Variants in CSMD2 observed in about 807,000 individuals in gnomAD.
The protein encoded by CSMD2 is CUB and sushi domain-containing protein 2.
A neutral mutation model predicts 398.5 loss-of-function variants in CSMD2; 130 were observed. The ratio of observed to expected loss-of-function variants is 0.33; its 90% CI spans 0.28 to 0.38. The LOEUF (loss-of-function observed/expected upper bound fraction) is 0.38, where lower values mean the gene tolerates loss of function less well. CSMD2 is among the 10% of genes least tolerant of loss of function. CSMD2 has a pLI of 1.00. For synonymous variants in CSMD2, 1,828 were observed against 1,908.5 expected, an observed-to-expected ratio of 0.96 and a Z score of 1.10; for missense variants, 3,829 against 4,764.9, an observed-to-expected ratio of 0.80 and a Z score of 5.78.
chr1:33,731,290 G>A (rs2149221725), intron 15 of CSMD2, among the ~76,000 whole-genome samples: 1 of 152,202 alleles, frequency 6.6e-6, no homozygotes, highest in Non-Finnish European at 1.5e-5. Flanking sequence ...TTCTTTAAGT[G>A]TAGCATTTCA....
At chr1:33,793,153 AC>A (rs1654526880) in intron 10 of CSMD2, among the ~76,000 whole-genome samples, 2 of 152,282 alleles carry the variant, frequency 1.3e-5, no homozygotes, top group African/African-American at 4.8e-5. Flanking sequence ...AGAAATGCAA[AC>A]TGATAACCAC....
chr1:33,894,858 C>T (rs1244643315), intron 5 of CSMD2, among the ~76,000 whole-genome samples: 1 of 152,142 alleles, frequency 6.6e-6, no homozygotes, highest in Non-Finnish European at 1.5e-5. Context: ...CTGACTGGGT[C>T]CCCATCTCCT....
At chr1:33,657,914 A>G in intron 27 of CSMD2, 32 bp downstream of exon 27, 2 of 1,584,662 alleles carry the variant, frequency 1.3e-6, no homozygotes, top group South Asian at 2.3e-5. Flanking sequence ...GTGAGCCCCA[A>G]GAGCAGAGTG....
intron 10 of CSMD2, among the ~76,000 whole-genome samples, chr1:33,801,587 TAAAC>T (rs757389823): frequency 2.0e-5 from 3 of 152,222 alleles, no homozygotes; most frequent in African/African-American, 7.2e-5. Flanking sequence ...GTGGAAGAAA[TAAAC>T]AAAGTGCTAT....
Position 33,566,811 on chromosome 1 carries a change from G to A in CSMD2, c.8380+782C>T, listed in dbSNP as rs1163228461. Among the ~76,000 whole-genome samples the A allele has an allele frequency of 2.6e-5, 4 of 152,048 alleles. No individual in the cohort carries two copies. In the East Asian group the frequency reaches 7.7e-4, roughly 29 times the overall value. ...GAACAGAAACTACAGGAAGTGCAAG[G>A]AAAAACAGAAACACACTAATAATAG... On this transcript the variant is annotated intron_variant, in intron 53 of 70. Coordinates refer to ENST00000373381, the MANE Select transcript of CSMD2 (RefSeq NM_001281956.2).
intron 5 of CSMD2, among the ~76,000 whole-genome samples, chr1:33,895,572 T>C (rs1642327538): frequency 6.6e-6 from 1 of 152,106 alleles, no homozygotes. Context: ...CCACGGGTGG[T>C]GGCTGGGGAA....
At chr1:33,998,758 T>C (rs1646806020) in intron 3 of CSMD2, among the ~76,000 whole-genome samples, 1 of 152,182 alleles carries the variant, frequency 6.6e-6, no homozygotes, top group African/African-American at 2.4e-5. Flanking sequence ...TGATTATTAA[T>C]TTCAAGAGGT....
chr1:33,935,631 G>T, intron 4 of CSMD2, 129 bp downstream of exon 4: 2 of 958,930 alleles, frequency 2.1e-6, no homozygotes, highest in Non-Finnish European at 3.0e-6. Flanking sequence ...CCTCTGTGCT[G>T]TCCAGACTTG....
At chr1:34,161,474 G>T (rs762499405) in intron 1 of CSMD2, among the ~76,000 whole-genome samples, 33 of 152,168 alleles carry the variant, frequency 2.2e-4, no homozygotes, top group Non-Finnish European at 3.7e-4. Context: ...TCAGGGAGGG[G>T]AATAAGTGTT....
intron 5 of CSMD2, chr1:33,864,924 AAGGGAGGAGAGGAGG>A (rs1639878254): frequency 4.4e-6 from 1 of 229,826 alleles, no homozygotes; most frequent in African/African-American, 6.1e-5. Flanking sequence ...AAAGAAGGGG[AAGGGAGGAGAGGAGG>A]GAGGGGAAGG....
At chr1:33,676,773 T>C (rs971998564) in intron 25 of CSMD2, among the ~76,000 whole-genome samples, 13 of 151,986 alleles carry the variant, frequency 8.6e-5, no homozygotes, top group Non-Finnish European at 1.8e-4. Flanking sequence ...TATAGACCAA[T>C]AGAACAGAAC....
At chr1:33,527,940 CAAAAA>C (rs61088318) in intron 64 of CSMD2, among the ~76,000 whole-genome samples, 42,831 of 108,356 alleles carry the variant, frequency 0.4, 6,813 homozygotes, top group Middle Eastern at 0.46. Flanking sequence ...GACTCTGTCT[CAAAAA>C]AAAAAAAAAA....
chr1:33,861,676 G>A (rs1453848495), intron 5 of CSMD2, among the ~76,000 whole-genome samples: 3 of 152,176 alleles, frequency 2.0e-5, no homozygotes, highest in Non-Finnish European at 4.4e-5. Context: ...GAAACAGATG[G>A]CCACTCAAAT....
At chr1:33,755,007 AAC>A (rs1648793286) in intron 13 of CSMD2, among the ~76,000 whole-genome samples, 1 of 152,024 alleles carries the variant, frequency 6.6e-6, no homozygotes, top group African/African-American at 2.4e-5. Context: ...TGACTTGAGA[AAC>A]ACAGATGGAT....
intron 5 of CSMD2, among the ~76,000 whole-genome samples, chr1:33,882,608 G>A (rs1570385520): frequency 6.6e-6 from 1 of 152,310 alleles, no homozygotes. Context: ...TTAATGCCAT[G>A]AGTTCACTGC....
intron 6 of CSMD2, among the ~76,000 whole-genome samples, chr1:33,830,845 C>T (rs902699929): frequency 7.9e-5 from 12 of 152,238 alleles, no homozygotes; most frequent in Admixed American, 2.0e-4. Flanking sequence ...AGCCAAGGCT[C>T]GAGAACTACG....
chr1:33,542,759 C>T lies in CSMD2; in HGVS notation c.9238G>A (p.Val3080Ile), dbSNP rs772581820. Residue 3080 changes from valine (V) to isoleucine (I), a missense_variant, in exon 58 of 71, where the codon GTC (valine) becomes ATC (isoleucine). Physicochemically the swap from Val to Ile is conservative, Grantham distance 29 (BLOSUM62 3). Transcript: ENST00000373381. ...TCACTGCCTGTCCAGGTACCATTGA[C>T]CGAGCAGTGACGGCTGAGCAGGCCT... ...ATGLLSRHCS[V>I]NGTWTGSDPE... 1.9e-6 allele frequency: 3 copies of T among 1,614,110 alleles called. No individual in the cohort carries two copies. Among genetic ancestry groups the T allele is most frequent in the East Asian group, 2.2e-5 (1 of 44,884 alleles).
intron 68 of CSMD2, among the ~76,000 whole-genome samples, chr1:33,520,962 C>T (rs187327839): frequency 7.9e-5 from 12 of 152,300 alleles, no homozygotes; most frequent in African/African-American, 1.7e-4. Flanking sequence ...ACAGGAAGCA[C>T]GCTAGGTAAA....
intron 6 of CSMD2, among the ~76,000 whole-genome samples, chr1:33,834,399 G>A (rs1234874351): frequency 1.1e-5 from 1 of 88,080 alleles, no homozygotes; most frequent in Admixed American, 1.4e-4. Context: ...AAGCAATGGG[G>A]AAAGGATTCC....
Sources: allele counts gnomAD v4.1 joint callset (sites outside exome capture counted in the v4.1 genomes callset), GRCh38; gene constraint gnomAD v4.1.1; transcripts MANE v1.5; gene names NCBI Gene and HGNC (gene_info 2026-07-23, HGNC 2026-07-21).